The following AUTS2 variants were observed in gnomAD, a reference collection of about 807,000 sequenced individuals.
The protein encoded by AUTS2 is autism susceptibility gene 2 protein.
A neutral mutation model predicts 112.4 loss-of-function variants in AUTS2; 17 were observed. The observed-to-expected ratio is 0.15, with a 90% CI of 0.10 to 0.23. The LOEUF is 0.23. Ranked by LOEUF, AUTS2 falls within the 10% of genes least tolerant of loss-of-function variation. The probability of loss-of-function intolerance (pLI) is 1.00; values close to 1 mark genes in which losing one functional copy is unlikely to be tolerated. For synonymous variants in AUTS2, 751 were observed against 702.7 expected, an observed-to-expected ratio of 1.07 and a Z score of -1.09; for missense variants, 1,510 against 1,701.6, an observed-to-expected ratio of 0.89 and a Z score of 1.98.
chr7:70,485,068 G>T (rs1170157367), intron 5 of AUTS2, among the ~76,000 whole-genome samples: 2 of 152,224 alleles, frequency 1.3e-5, no homozygotes, highest in African/African-American at 4.8e-5. Flanking sequence ...ATGGAAAACA[G>T]TATGGAGATT....
chr7:70,266,840 T>C (rs1235184837), intron 4 of AUTS2, among the ~76,000 whole-genome samples: 1 of 152,100 alleles, frequency 6.6e-6, no homozygotes, highest in African/African-American at 2.4e-5. Context: ...ATGTTTGGTA[T>C]TTTTTTTCCT....
At chr7:70,454,242 C>G (rs1355900174) in intron 5 of AUTS2, among the ~76,000 whole-genome samples, 1 of 152,080 alleles carries the variant, frequency 6.6e-6, no homozygotes, top group Non-Finnish European at 1.5e-5. Flanking sequence ...TATTAAAAAT[C>G]TAGATATAAA....
At chr7:70,101,507 C>CA in intron 2 of AUTS2, among the ~76,000 whole-genome samples, 1 of 152,026 alleles carries the variant, frequency 6.6e-6, no homozygotes, top group African/African-American at 2.4e-5. Context: ...CCAGCCTGAA[C>CA]AAAACAGTGA....
intron 2 of AUTS2, among the ~76,000 whole-genome samples, chr7:70,012,060 C>G (rs559335409): frequency 6.6e-6 from 1 of 152,318 alleles, no homozygotes; most frequent in African/African-American, 2.4e-5. Flanking sequence ...AGTTCTCTTT[C>G]TTGCTCCATT....
At chr7:70,594,947 C>T (rs1268351011) in intron 5 of AUTS2, among the ~76,000 whole-genome samples, 1 of 152,092 alleles carries the variant, frequency 6.6e-6, no homozygotes, top group Non-Finnish European at 1.5e-5. Flanking sequence ...ACTAAAAATA[C>T]AAAATTAGTC....
chr7:70,609,119 AATGTTATT>A (rs1296553752), intron 5 of AUTS2, among the ~76,000 whole-genome samples: 1 of 152,144 alleles, frequency 6.6e-6, no homozygotes, highest in Non-Finnish European at 1.5e-5. Context: ...CTAAGAATAC[AATGTTATT>A]ATCTATAGTC....
intron 2 of AUTS2, among the ~76,000 whole-genome samples, chr7:70,053,544 GT>G (rs200867539): frequency 4.1e-4 from 53 of 127,734 alleles, no homozygotes; most frequent in South Asian, 7.3e-4. Context: ...GTTTTGGGTG[GT>G]TTTTTTTTTT....
At chr7:69,971,554 A>G (rs967930178) in intron 2 of AUTS2, among the ~76,000 whole-genome samples, 3 of 152,174 alleles carry the variant, frequency 2.0e-5, no homozygotes, top group Non-Finnish European at 2.9e-5. Flanking sequence ...ATACAGAACA[A>G]CCACATCACC....
intron 2 of AUTS2, among the ~76,000 whole-genome samples, chr7:70,080,060 T>G (rs1803228614): frequency 6.6e-6 from 1 of 152,140 alleles, no homozygotes; most frequent in Non-Finnish European, 1.5e-5. Context: ...ACTGTTGCAC[T>G]TGGGGTTAAG....
intron 1 of AUTS2, among the ~76,000 whole-genome samples, chr7:69,857,553 A>G (rs1284261283): frequency 6.6e-6 from 1 of 152,228 alleles, no homozygotes; most frequent in Non-Finnish European, 1.5e-5. Context: ...AAGTAGGGCT[A>G]TGGAATGAGT....
chr7:70,030,961 T>A (rs1030695253), intron 2 of AUTS2, among the ~76,000 whole-genome samples: 5 of 152,172 alleles, frequency 3.3e-5, no homozygotes, highest in African/African-American at 9.7e-5. Flanking sequence ...GTTTTTCCAC[T>A]TGGCTTTTCT....
At position 70,468,890 on chromosome 7, in the gene AUTS2, C is replaced by T. The variant is rs531678046; in HGVS notation, c.690+33109C>T. Among the ~76,000 whole-genome samples, 11 of 152,130 alleles carry T rather than the reference C, an allele frequency of 7.2e-5. No homozygotes were observed. In the South Asian group the frequency reaches 1.9e-3, roughly 26 times the overall value. ...GTCTTTTATGAAGCCTTTGTGGATT[C>T]GGTGGGAAACTGTGGAGTGGCTGCA... On this transcript the variant is annotated intron_variant, in intron 5 of 18. Coordinates refer to ENST00000342771, the MANE Select transcript of AUTS2 (RefSeq NM_015570.4).
At chr7:69,717,233 G>A (rs577675918) in intron 1 of AUTS2, among the ~76,000 whole-genome samples, 2 of 152,286 alleles carry the variant, frequency 1.3e-5, no homozygotes, top group Non-Finnish European at 2.9e-5. Flanking sequence ...AACAAGAGCC[G>A]CCTGCATGGC....
intron 2 of AUTS2, among the ~76,000 whole-genome samples, chr7:70,102,115 CTT>C (rs537710268): frequency 5.5e-5 from 7 of 127,158 alleles, no homozygotes; most frequent in East Asian, 2.2e-4. Context: ...GCAGTGTTTA[CTT>C]TTTTTTTTTT....
intron 1 of AUTS2, among the ~76,000 whole-genome samples, chr7:69,717,128 C>T (rs590609): frequency 0.61 from 92,526 of 152,052 alleles, 28,540 homozygotes; most frequent in East Asian, 0.7. Flanking sequence ...TTGTTTTAAA[C>T]GTTTGTTTCC....
At chr7:70,104,902 C>T (rs540457717) in intron 2 of AUTS2, among the ~76,000 whole-genome samples, 1 of 152,118 alleles carries the variant, frequency 6.6e-6, no homozygotes, top group East Asian at 1.9e-4. Context: ...ATCTATTAAA[C>T]AGAGCTGGTT....
intron 5 of AUTS2, among the ~76,000 whole-genome samples, chr7:70,693,219 C>T (rs1426907060): frequency 6.6e-6 from 1 of 152,212 alleles, no homozygotes; most frequent in Non-Finnish European, 1.5e-5. Flanking sequence ...GGGGAATCTG[C>T]TGAGTGCCTC....
intron 2 of AUTS2, among the ~76,000 whole-genome samples, chr7:70,095,362 C>A (rs1804138285): frequency 6.6e-6 from 1 of 152,182 alleles, no homozygotes; most frequent in African/African-American, 2.4e-5. Flanking sequence ...AGAAGTCTTA[C>A]AACTACGTGT....
intron 4 of AUTS2, among the ~76,000 whole-genome samples, chr7:70,224,316 ATACAATACAGTACAG>A (rs1417195972): frequency 7.5e-5 from 11 of 146,540 alleles, no homozygotes; most frequent in Non-Finnish European, 1.3e-4. Flanking sequence ...GTATAATACA[ATACAATACAGTACAG>A]TACAATACAA....
Sources: gnomAD v4.1 joint callset for allele counts (sites outside exome capture counted in the v4.1 genomes callset) on GRCh38, gnomAD v4.1.1 for gene constraint, MANE v1.5 for transcripts, NCBI Gene and HGNC (gene_info 2026-07-23, HGNC 2026-07-21) for gene names.